Variants in PCDH19 observed in about 807,000 individuals in gnomAD.
The protein encoded by PCDH19 is protocadherin-19.
PCDH19 carries 6 observed loss-of-function variants against 46.2 expected under a neutral mutation model. The observed-to-expected ratio is 0.13, with a 90% confidence interval of 0.07 to 0.26. The LOEUF (loss-of-function observed/expected upper bound fraction) is 0.26, where lower values mean the gene tolerates loss of function less well. Among genes scored for constraint, PCDH19 ranks in the 10% least tolerant of loss-of-function variants. The pLI is 1.00. For missense variants in PCDH19, 740 were observed against 972.3 expected, an observed-to-expected ratio of 0.76 and a Z score of 3.18; for synonymous variants, 481 against 415.7, an observed-to-expected ratio of 1.16 and a Z score of -1.91.
chrX:100,378,162 C>T, intron 3 of PCDH19, among the ~76,000 whole-genome samples: 1 of 112,682 alleles, frequency 8.9e-6, no homozygotes, highest in Non-Finnish European at 1.9e-5. Context: ...AGAAGCCATC[C>T]AAGAGAAAGC....
At chrX:100,346,474 G>C (rs931200725) in intron 4 of PCDH19, among the ~76,000 whole-genome samples, 4 of 111,809 alleles carry the variant, frequency 3.6e-5, no homozygotes, top group Non-Finnish European at 7.5e-5. Context: ...AGGTTCTCTA[G>C]GGATGGAGCT....
intron 3 of PCDH19, among the ~76,000 whole-genome samples, chrX:100,387,671 A>C (rs1284045653): frequency 8.9e-6 from 1 of 112,163 alleles, no homozygotes; most frequent in Non-Finnish European, 1.9e-5. Context: ...AAGTATGTGA[A>C]CTAGATGTCT....
chrX:100,355,908 C>A (rs1926698348), intron 3 of PCDH19, among the ~76,000 whole-genome samples: 1 of 111,138 alleles, frequency 9.0e-6, no homozygotes, highest in Non-Finnish European at 1.9e-5. Context: ...ATTACTTTTA[C>A]AGTTCACTGA....
At chrX:100,350,055 T>C (rs1197361782) in intron 4 of PCDH19, among the ~76,000 whole-genome samples, 1 of 112,565 alleles carries the variant, frequency 8.9e-6, no homozygotes, top group East Asian at 2.8e-4. Context: ...GCAAATTTCT[T>C]TTTCTCTCTC....
chrX:100,308,446 C>T (rs1412974846), intron 5 of PCDH19, among the ~76,000 whole-genome samples: 1 of 111,289 alleles, frequency 9.0e-6, no homozygotes, highest in Non-Finnish European at 1.9e-5. Context: ...AAGGTAACAT[C>T]GGAAAAACTC....
intron 5 of PCDH19, among the ~76,000 whole-genome samples, chrX:100,323,180 G>T (rs1005253442): frequency 1.8e-5 from 2 of 110,215 alleles, no homozygotes; most frequent in Non-Finnish European, 3.8e-5. Context: ...TATCTATACA[G>T]GTGCCAGTTC....
chrX:100,303,643 T>TACC (rs1054755549), intron 5 of PCDH19, among the ~76,000 whole-genome samples: 125 of 112,239 alleles, frequency 1.1e-3, no homozygotes, highest in African/African-American at 3.7e-3. Flanking sequence ...GAACCAATGA[T>TACC]ACCAAGCTAT....
chrX:100,407,304 T>C lies in PCDH19; in HGVS notation c.1294A>G (p.Met432Val), dbSNP rs200728466. 7.5e-4 allele frequency: 904 copies of C among 1,210,703 alleles called. 1 individual carries two copies. Among genetic ancestry groups the C allele is most frequent in the Non-Finnish European group, 8.0e-4 (719 of 895,236 alleles). The change falls in exon 1 of 6, where the codon ATG becomes GTG. Residue 432 changes from methionine to valine, a missense_variant. Physicochemically the swap from Met to Val is conservative, Grantham distance 21. Around this residue, in one of 5 missense-constraint regions of PCDH19, gnomAD observed 186 missense variants for 319.9 expected, o/e 0.58. Coordinates refer to ENST00000373034, the MANE Select transcript of PCDH19 (RefSeq NM_001184880.2). ...TIQARDGGVPMLQSAKSFTVL... is the reference protein window; with the variant it reads ...TIQARDGGVPVLQSAKSFTVL... Reference sequence around the variant, plus strand: ...GTAAAGGACTTGGCACTCTGCAGCATGGGCACGCCGCCGTCGCGTGCCTGA... The same window carrying C: ...GTAAAGGACTTGGCACTCTGCAGCACGGGCACGCCGCCGTCGCGTGCCTGA...
intron 3 of PCDH19, among the ~76,000 whole-genome samples, chrX:100,396,763 G>A (rs1056490474): frequency 6.2e-5 from 7 of 112,207 alleles, no homozygotes; most frequent in Non-Finnish European, 1.1e-4. Context: ...GGCTGTCTCA[G>A]CTAGAGGTGA....
At chrX:100,361,862 A>T in intron 3 of PCDH19, among the ~76,000 whole-genome samples, 1 of 110,715 alleles carries the variant, frequency 9.0e-6, no homozygotes, top group East Asian at 2.8e-4. Flanking sequence ...GACGAGGTAT[A>T]CTATTTGGGA....
intron 5 of PCDH19, among the ~76,000 whole-genome samples, chrX:100,315,700 A>G (rs1194612202): frequency 1.8e-5 from 2 of 112,780 alleles, no homozygotes; most frequent in Non-Finnish European, 3.8e-5. Flanking sequence ...TTGTGGATGA[A>G]GTACAAGCCA....
At position 100,407,114 on chromosome X, in the gene PCDH19, G is replaced by A; in HGVS notation, c.1484C>T (p.Ser495Leu). The A allele has an allele frequency of 8.3e-7, 1 of 1,212,084 alleles. No individual in the cohort carries two copies. Among genetic ancestry groups the A allele is most frequent in the Non-Finnish European group, 1.1e-6 (1 of 895,574 alleles). The change falls in exon 1 of 6, where the codon TCG becomes TTG. Residue 495 changes from serine to leucine, a missense_variant. Transcript: ENST00000373034. Reference sequence around the variant, plus strand: ...GAAGACAGGCATGTCCCGCACCTGCGACGGCACGATCTGGTAGGAGACACT... The same window carrying A: ...GAAGACAGGCATGTCCCGCACCTGCAACGGCACGATCTGGTAGGAGACACT... ...NGSVSYQIVPSQVRDMPVFTY... is the reference protein window; with the variant it reads ...NGSVSYQIVPLQVRDMPVFTY...
At chrX:100,306,450 C>T (rs1924948246) in intron 5 of PCDH19, among the ~76,000 whole-genome samples, 1 of 111,240 alleles carries the variant, frequency 9.0e-6, no homozygotes, top group African/African-American at 3.3e-5. Flanking sequence ...TAAATGCCTA[C>T]ATTAAAAAGT....
intron 3 of PCDH19, among the ~76,000 whole-genome samples, chrX:100,376,255 G>A (rs11797859): frequency 9.3e-4 from 86 of 92,769 alleles, no homozygotes; most frequent in Non-Finnish European, 1.2e-3. Flanking sequence ...AAAAAAAAAA[G>A]AAAAGAAAAG....
chrX:100,393,243 C>G (rs1230989152), intron 3 of PCDH19, among the ~76,000 whole-genome samples: 1 of 109,420 alleles, frequency 9.1e-6, no homozygotes, highest in Non-Finnish European at 1.9e-5. Flanking sequence ...TTTGGGGGAT[C>G]ACACCCTGCT....
At chrX:100,373,411 A>G (rs1260906537) in intron 3 of PCDH19, among the ~76,000 whole-genome samples, 1 of 113,041 alleles carries the variant, frequency 8.8e-6, no homozygotes, top group East Asian at 2.8e-4. Flanking sequence ...GAAAGAAAGA[A>G]TCATCTCATT....
At chrX:100,379,474 G>A (rs1441903464) in intron 3 of PCDH19, among the ~76,000 whole-genome samples, 1 of 112,131 alleles carries the variant, frequency 8.9e-6, no homozygotes, top group Admixed American at 9.5e-5. Flanking sequence ...GAAAACGCCA[G>A]GATGTATCCC....
intron 5 of PCDH19, among the ~76,000 whole-genome samples, chrX:100,341,328 T>G (rs1472950904): frequency 8.9e-6 from 1 of 111,820 alleles, no homozygotes; most frequent in Non-Finnish European, 1.9e-5. Flanking sequence ...GTCTCCCCTA[T>G]GACTAATGGC....
chrX:100,377,079 G>A (rs745752309), intron 3 of PCDH19, among the ~76,000 whole-genome samples: 10 of 112,195 alleles, frequency 8.9e-5, no homozygotes, highest in Non-Finnish European at 1.7e-4. Context: ...TTAGAGCACA[G>A]TCTACATAGC....
Sources: allele counts gnomAD v4.1 joint callset (sites outside exome capture counted in the v4.1 genomes callset), GRCh38; gene constraint gnomAD v4.1.1; regional missense constraint gnomAD v4.1.1; transcripts MANE v1.5; gene names NCBI Gene and HGNC (gene_info 2026-07-23, HGNC 2026-07-21).